Variants in ZPLD1 observed in about 807,000 individuals in gnomAD.
ZPLD1 encodes zona pellucida like domain containing 1.
Under a neutral mutation model 47.2 loss-of-function variants are expected in ZPLD1, and 34 were observed. The observed-to-expected ratio is 0.72, with a 90% confidence interval of 0.55 to 0.96. ZPLD1 has a LOEUF of 0.96. Ranked by LOEUF, ZPLD1 falls within the 40% of genes least tolerant of loss-of-function variation. The pLI, the probability that ZPLD1 is intolerant of heterozygous loss-of-function variation, is 0.00. For missense variants in ZPLD1, 512 were observed against 505.8 expected (o/e 1.01, Z -0.12); for synonymous variants, 176 against 186.2 (o/e 0.95, Z 0.45).
chr3:102,399,525 T>C (rs1344173871), intron 7 of ZPLD1, among the ~76,000 whole-genome samples: 2 of 152,052 alleles, frequency 1.3e-5, no homozygotes, highest in Non-Finnish European at 2.9e-5. Flanking sequence ...GCTCCTAGTT[T>C]GCTAGTTCTC....
chr3:102,412,290 A>G (rs1706754600), intron 7 of ZPLD1, among the ~76,000 whole-genome samples: 4 of 151,788 alleles, frequency 2.6e-5, no homozygotes, highest in Admixed American at 2.0e-4. Context: ...TAATCGTCAT[A>G]CTTGCTTAAC....
chr3:102,456,257 C>G lies in ZPLD1; in HGVS notation c.392C>G (p.Ser131Ter). 1 of 1,613,808 alleles carries G rather than the reference C, an allele frequency of 6.2e-7. No individual in the cohort carries two copies. Among genetic ancestry groups the G allele is most frequent in the Non-Finnish European group, 8.5e-7 (1 of 1,179,858 alleles). Residue 131 changes from serine (S) to a stop codon, truncating the protein, a stop_gained, in exon 5 of 12, where the codon TCA (serine) becomes TGA (stop). Coordinates refer to ENST00000466937, the MANE Select transcript of ZPLD1 (RefSeq NM_001329788.2). LOFTEE classifies it high-confidence loss of function. ...NATSVQVGNI[S>*]GYIDTPDPPT... ...ACTTCAGTGCAAGTAGGAAATATTT[C>G]AGGATATATTGATACTCCAGACCCA...
At chr3:102,443,466 G>A (rs951886146) in intron 3 of ZPLD1, among the ~76,000 whole-genome samples, 2 of 152,224 alleles carry the variant, frequency 1.3e-5, no homozygotes, top group South Asian at 4.1e-4. Flanking sequence ...AAACAATGAT[G>A]TCTAAAAATG....
In ZPLD1 at chr3:102,464,232, C is replaced by T. The variant is rs375032047; in HGVS notation, c.742C>T (p.Arg248Ter). The T allele has an allele frequency of 8.5e-5, 137 of 1,611,810 alleles. No individual in the cohort carries two copies. The highest frequency in any genetic ancestry group is 1.1e-4 in the Non-Finnish European group (133 of 1,178,232). The change falls in exon 8 of 12, where the codon CGA becomes TGA. Residue 248 changes from arginine to a stop codon, truncating the protein, a stop_gained. Transcript: ENST00000466937. LOFTEE classifies it high-confidence loss of function. ...TPSGNPNDDI[R>*]YDLFLSCDKD... ...ATCAGGAAACCCAAATGATGACATT[C>T]GATATGATCTTTTCCTTAGGTAAGA...
chr3:102,466,964 T>C (rs1707604318), intron 8 of ZPLD1, among the ~76,000 whole-genome samples: 2 of 152,036 alleles, frequency 1.3e-5, no homozygotes, highest in Non-Finnish European at 2.9e-5. Flanking sequence ...TACATTGATA[T>C]AATGAAATGA....
chr3:102,396,677 C>T (rs544288370), intron 7 of ZPLD1, among the ~76,000 whole-genome samples: 3 of 152,172 alleles, frequency 2.0e-5, no homozygotes, highest in African/African-American at 4.8e-5. Context: ...CAGGGTTAGC[C>T]GGTGGCAGAG....
intron 8 of ZPLD1, among the ~76,000 whole-genome samples, chr3:102,425,203 T>C (rs9831929): frequency 0.06 from 9,062 of 152,206 alleles, 921 homozygotes; most frequent in African/African-American, 0.21. Context: ...AAACAGCTAT[T>C]GTCATTCAAT....
chr3:102,432,506 C>G (rs934441251), upstream of ZPLD1, among the ~76,000 whole-genome samples: 2 of 152,120 alleles, frequency 1.3e-5, no homozygotes, highest in Admixed American at 6.5e-5. Flanking sequence ...AACAGATCAG[C>G]CTATATCAAG....
intron 6 of ZPLD1, among the ~76,000 whole-genome samples, chr3:102,458,855 C>T (rs1057426399): frequency 2.0e-5 from 3 of 152,010 alleles, no homozygotes; most frequent in Admixed American, 1.3e-4. Flanking sequence ...TTTGGGAGGC[C>T]GAGGCGGGTG....
chr3:102,457,968 G>A, intron 6 of ZPLD1, 115 bp downstream of exon 6: 1 of 903,038 alleles, frequency 1.1e-6, no homozygotes, highest in Non-Finnish European at 1.7e-6. Flanking sequence ...GTTATGCCTT[G>A]GTAACATTTA....
Position 102,479,463 on chromosome 3 carries a change from TG to T in ZPLD1, c.*1847del, listed in dbSNP as rs1707806984. 1 of 152,242 alleles carries T rather than the reference TG, an allele frequency of 6.6e-6. No individual in the cohort carries two copies. The highest frequency in any genetic ancestry group is 6.5e-5 in the Admixed American group (1 of 15,288). 9.4% of individuals were successfully genotyped at this position (152,242 alleles called of 1,614,324 possible). ...TTTGTCAATTTGATTTTTATGCTTTTGGAACGGCTGCTGTTTCAGCTGTTGG... is the reference window on the plus strand; with the variant it reads ...TTTGTCAATTTGATTTTTATGCTTTTGAACGGCTGCTGTTTCAGCTGTTGG... On this transcript the variant is annotated 3_prime_UTR_variant, in exon 12 of 12. Transcript: ENST00000466937.
intron 6 of ZPLD1, among the ~76,000 whole-genome samples, chr3:102,460,468 T>C (rs1351948216): frequency 2.6e-5 from 4 of 152,000 alleles, no homozygotes; most frequent in East Asian, 1.9e-4. Context: ...TTTTGTGCAA[T>C]ATAAATATGT....
chr3:102,437,880 C>T (rs536163784), intron 2 of ZPLD1, among the ~76,000 whole-genome samples: 2 of 152,332 alleles, frequency 1.3e-5, no homozygotes, highest in South Asian at 4.1e-4. Flanking sequence ...GAGTATTTTC[C>T]TGTTCTTCCT....
chr3:102,446,094 A>C (rs1422561090), intron 3 of ZPLD1, among the ~76,000 whole-genome samples: 2 of 152,208 alleles, frequency 1.3e-5, no homozygotes, highest in Non-Finnish European at 2.9e-5. Context: ...GGAACTTGAT[A>C]TTAAAGACTT....
At chr3:102,476,864 T>C in intron 10 of ZPLD1, 148 bp from the exon 11 acceptor site, 2 of 827,938 alleles carry the variant, frequency 2.4e-6, no homozygotes, top group Non-Finnish European at 3.9e-6. Context: ...GGGACTTTCA[T>C]TTTTGCCTTA....
intron 10 of ZPLD1, 52 bp downstream of exon 10, chr3:102,470,554 C>T (rs1186137545): frequency 1.4e-6 from 2 of 1,449,962 alleles, no homozygotes; most frequent in Non-Finnish European, 9.6e-7. Context: ...CAAAATGCCT[C>T]GTTACTTGGC....
chr3:102,463,050 A>G (rs1048078543), intron 7 of ZPLD1, among the ~76,000 whole-genome samples: 2 of 152,190 alleles, frequency 1.3e-5, no homozygotes, highest in African/African-American at 4.8e-5. Context: ...GTCCTGAAGA[A>G]TATTTCTATT....
chr3:102,415,210 TA>T (rs1370046977), intron 7 of ZPLD1, among the ~76,000 whole-genome samples: 3 of 151,836 alleles, frequency 2.0e-5, no homozygotes, highest in Non-Finnish European at 2.9e-5. Context: ...ACTCATTTTG[TA>T]AGTAACTGAA....
intron 8 of ZPLD1, among the ~76,000 whole-genome samples, chr3:102,423,923 A>T (rs1050330446): frequency 2.0e-5 from 3 of 152,150 alleles, no homozygotes; most frequent in African/African-American, 7.2e-5. Context: ...TCAGCTGTAG[A>T]TCACATACTC....
Sources: gnomAD v4.1 joint callset for allele counts (sites outside exome capture counted in the v4.1 genomes callset) on GRCh38, gnomAD v4.1.1 for gene constraint, MANE v1.5 for transcripts, NCBI Gene and HGNC (gene_info 2026-07-23, HGNC 2026-07-21) for gene names.